The following BLOC1S3 variants were observed in gnomAD, a reference collection of about 807,000 sequenced individuals.
BLOC1S3 encodes the protein biogenesis of lysosomal organelles complex 1 subunit 3.
BLOC1S3 carries 7 observed loss-of-function variants against 9.1 expected under a neutral mutation model. The observed-to-expected ratio is 0.77, with a 90% CI of 0.44 to 1.45. BLOC1S3 has a LOEUF of 1.45. BLOC1S3 is among the 40% of genes most tolerant of loss of function. BLOC1S3 has a pLI of 0.01. For synonymous variants in BLOC1S3, 145 were observed against 158.4 expected (o/e 0.92, Z 0.64); for missense variants, 307 against 315.2 (o/e 0.97, Z 0.20).
intron 3 of BLOC1S3, among the ~76,000 whole-genome samples, chr19:45,205,244 C>A (rs1381341432): frequency 1.3e-5 from 2 of 152,102 alleles, no homozygotes; most frequent in East Asian, 3.9e-4. Flanking sequence ...CAGCTCACTG[C>A]AACCTCCACT....
intron 3 of BLOC1S3, chr19:45,216,016 G>C (rs959207639): frequency 6.3e-7 from 1 of 1,599,628 alleles, no homozygotes; most frequent in African/African-American, 1.3e-5. Context: ...GGATGCCAAG[G>C]CCGCCAGGAG....
At chr19:45,188,083 C>A (rs960770352) in intron 2 of BLOC1S3, among the ~76,000 whole-genome samples, 3 of 151,830 alleles carry the variant, frequency 2.0e-5, no homozygotes, top group African/African-American at 7.3e-5. Context: ...AGTGCAGCAG[C>A]GTGATCTCAG....
At chr19:45,200,440 C>A (rs1254126122) in intron 2 of BLOC1S3, among the ~76,000 whole-genome samples, 2 of 151,610 alleles carry the variant, frequency 1.3e-5, no homozygotes, top group Non-Finnish European at 2.9e-5. Context: ...CCTCGGCCTC[C>A]CGAAATGCTG....
intron 2 of BLOC1S3, among the ~76,000 whole-genome samples, chr19:45,200,129 C>T (rs1464950104): frequency 1.3e-5 from 2 of 151,786 alleles, no homozygotes; most frequent in African/African-American, 4.8e-5. Flanking sequence ...ATCAATTCTA[C>T]TGTTCAGAGA....
upstream of BLOC1S3, among the ~76,000 whole-genome samples, chr19:45,187,044 A>G (rs1235862367): frequency 3.9e-5 from 6 of 152,214 alleles, no homozygotes; most frequent in Admixed American, 3.3e-4. Flanking sequence ...AGGTCTGAAC[A>G]TCATCCTCAT....
downstream of BLOC1S3, among the ~76,000 whole-genome samples, chr19:45,184,837 G>A (rs374725808): frequency 4.7e-5 from 7 of 148,370 alleles, no homozygotes; most frequent in East Asian, 4.0e-4. Flanking sequence ...GAGGTGGAGC[G>A]TGCGGTGAGC....
Position 45,179,671 on chromosome 19 carries a change from G to GGCCGCCGTGAGCGGTGTCT in BLOC1S3, c.376_394dup (p.Tyr132CysfsTer19), listed in dbSNP as rs1255735208. On this transcript the variant is annotated frameshift_variant, in exon 2 of 2. Coordinates refer to ENST00000433642, the MANE Select transcript of BLOC1S3 (RefSeq NM_212550.5). LOFTEE classifies it high-confidence loss of function. This position sits in a 1 kb window ranked among gnomAD's most constrained non-coding sequence, Gnocchi z 4.6. ...AGGCGCGGCTGGACCACGACGTGGC[G>GGCCGCCGTGAGCGGTGTCT]GCCGCCGTGAGCGGTGTCTACCGCC... 3 of 1,466,588 alleles carry GGCCGCCGTGAGCGGTGTCT rather than the reference G, an allele frequency of 2.0e-6. No homozygotes were observed. The highest frequency in any genetic ancestry group is 1.3e-5 in the South Asian group (1 of 76,648). The allele number at this position is 1,466,588 out of a possible 1,614,324, so 90.8% of individuals were successfully genotyped here. A position where few individuals can be genotyped will look rare whatever the true frequency, so the allele number is the denominator to read the frequency against.
chr19:45,182,055 G>T (rs569290911), downstream of BLOC1S3, among the ~76,000 whole-genome samples: 1 of 152,300 alleles, frequency 6.6e-6, no homozygotes, highest in African/African-American at 2.4e-5. Context: ...CACAGAGGTC[G>T]CAGTCCAGTG....
At position 45,180,602 on chromosome 19, in the gene BLOC1S3, G is replaced by A. The variant is rs948446349; in HGVS notation, c.*697G>A. On this transcript the variant is annotated 3_prime_UTR_variant, in exon 2 of 2. Coordinates refer to ENST00000433642, the MANE Select transcript of BLOC1S3 (RefSeq NM_212550.5). Reference sequence around the variant, plus strand: ...GTTTGGTTTCTGCTTATGGTGGGGAGCTTGTTCCCGTTCTTCCCACAAGAA... The same window carrying A: ...GTTTGGTTTCTGCTTATGGTGGGGAACTTGTTCCCGTTCTTCCCACAAGAA... 6.0e-6 allele frequency: 1 copy of A among 167,126 alleles called. No individual in the cohort carries two copies. Among genetic ancestry groups the A allele is most frequent in the African/African-American group, 2.4e-5 (1 of 41,412 alleles). 10.4% of individuals were successfully genotyped at this position (167,126 alleles called of 1,614,324 possible).
downstream of BLOC1S3, among the ~76,000 whole-genome samples, chr19:45,184,548 G>A (rs993963544): frequency 6.6e-6 from 1 of 152,188 alleles, no homozygotes; most frequent in Admixed American, 6.5e-5. Flanking sequence ...CGAGGCTGCA[G>A]TGAGCCATGA....
chr19:45,182,499 C>T (rs1039302485), downstream of BLOC1S3, among the ~76,000 whole-genome samples: 1 of 152,084 alleles, frequency 6.6e-6, no homozygotes, highest in Non-Finnish European at 1.5e-5. Context: ...GAAACTCTAT[C>T]TCCACTAAAA....
Position 45,179,603 on chromosome 19 carries a change from GC to G in BLOC1S3, c.312del (p.Ala105ArgfsTer24). The G allele has an allele frequency of 6.8e-7, 1 of 1,473,380 alleles. No individual in the cohort carries two copies. The highest frequency in any genetic ancestry group is 2.4e-5 in the Admixed American group (1 of 41,968). 91.3% of individuals were successfully genotyped at this position (1,473,380 alleles called of 1,614,324 possible). On this transcript the variant is annotated frameshift_variant, in exon 2 of 2. Coordinates refer to ENST00000433642, the MANE Select transcript of BLOC1S3 (RefSeq NM_212550.5). LOFTEE classifies it high-confidence loss of function. The surrounding 1 kb of genome is among the most constrained non-coding windows in gnomAD (Gnocchi z 4.6). ...GGGCACGGAGGAGGCCCCGGCGCCCGCCCCCGCGCGCTCGCTCCTGCAACTT... is the reference window on the plus strand; with the variant it reads ...GGGCACGGAGGAGGCCCCGGCGCCCGCCCCGCGCGCTCGCTCCTGCAACTT... ...AWGTEEAPAP[A>X]PARSLLQLRL...
chr19:45,179,168 G>A lies in BLOC1S3; in HGVS notation c.-9-120G>A. On this transcript the variant is annotated intron_variant, in intron 1 of 1. Transcript: ENST00000433642. The surrounding 1 kb of genome is among the most constrained non-coding windows in gnomAD (Gnocchi z 4.6). ...AGAAGAGGAAACTGAGGCCCAGACG[G>A]GGAGCAGCTGACACCAAGTCGTTAA... 8.6e-7 allele frequency: 1 copy of A among 1,164,410 alleles called. No individual in the cohort carries two copies. Among genetic ancestry groups the A allele is most frequent in the Non-Finnish European group, 1.1e-6 (1 of 881,876 alleles). 72.1% of individuals were successfully genotyped at this position (1,164,410 alleles called of 1,614,324 possible).
At chr19:45,213,021 T>C (rs1328297378) in intron 3 of BLOC1S3, 2 of 1,431,622 alleles carry the variant, frequency 1.4e-6, no homozygotes, top group Admixed American at 3.1e-5. Flanking sequence ...GGAGGTTGGC[T>C]TGTCAGCAGC....
At chr19:45,182,365 A>C (rs1969531438), downstream of BLOC1S3, among the ~76,000 whole-genome samples, 1 of 149,676 alleles carries the variant, frequency 6.7e-6, no homozygotes, top group African/African-American at 2.5e-5. Context: ...ACAGAGCAGG[A>C]CTCTGTCTCA....
At chr19:45,204,441 C>T (rs1969713046) in intron 3 of BLOC1S3, among the ~76,000 whole-genome samples, 2 of 152,096 alleles carry the variant, frequency 1.3e-5, no homozygotes, top group South Asian at 4.1e-4. Context: ...GATCCATGTG[C>T]CTCAGCCTCC....
At chr19:45,206,462 T>TTTTTTTTTTTTTTTTTTTTTTTG (rs970984062) in intron 3 of BLOC1S3, among the ~76,000 whole-genome samples, 5 of 115,506 alleles carry the variant, frequency 4.3e-5, no homozygotes, top group African/African-American at 1.4e-4. Context: ...TTTTTTTTTT[T>TTTTTTTTTTTTTTTTTTTTTTTG]TTTTTTTTTT....
chr19:45,210,245 A>AT (rs1271555436), intron 3 of BLOC1S3, among the ~76,000 whole-genome samples: 2 of 143,184 alleles, frequency 1.4e-5, no homozygotes, highest in Non-Finnish European at 3.1e-5. Flanking sequence ...TTTATTTAAA[A>AT]TTTTTTTATT....
In BLOC1S3 at chr19:45,180,869, G is replaced by A. The variant is rs1969511096; in HGVS notation, c.*964G>A. The A allele has an allele frequency of 6.3e-6, 1 of 159,350 alleles. No homozygotes were observed. Among genetic ancestry groups the A allele is most frequent in the Non-Finnish European group, 1.5e-5 (1 of 68,276 alleles). The allele number at this position is 159,350 out of a possible 1,614,324, so 9.9% of individuals were successfully genotyped here. A position where few individuals can be genotyped will look rare whatever the true frequency, so the allele number is the denominator to read the frequency against. ...AGCCTCCCGAGTAGCTAGGATTACAGGCATGCACCACCACGCCTGGCTACT... is the reference window on the plus strand; with the variant it reads ...AGCCTCCCGAGTAGCTAGGATTACAAGCATGCACCACCACGCCTGGCTACT... On this transcript the variant is annotated 3_prime_UTR_variant, in exon 2 of 2. Coordinates refer to ENST00000433642, the MANE Select transcript of BLOC1S3 (RefSeq NM_212550.5).
Sources: allele counts gnomAD v4.1 joint callset (sites outside exome capture counted in the v4.1 genomes callset), GRCh38; gene constraint gnomAD v4.1.1; non-coding constraint Gnocchi (gnomAD v3.1); transcripts MANE v1.5; gene names NCBI Gene and HGNC (gene_info 2026-07-23, HGNC 2026-07-21).